P2RY14: variants seen among roughly 807,000 people sequenced by gnomAD.
P2RY14 encodes P2Y purinoceptor 14.
A neutral mutation model predicts 0.9 loss-of-function variants in P2RY14; 2 were observed. The ratio of observed to expected loss-of-function variants is 2.16; its 90% CI spans 0.88 to 6.79. The LOEUF (loss-of-function observed/expected upper bound fraction) is 6.79, where lower values mean the gene tolerates loss of function less well. P2RY14 is among the 30% of genes most tolerant of loss of function. The probability of loss-of-function intolerance (pLI) is 0.05; values close to 1 mark genes in which losing one functional copy is unlikely to be tolerated. For missense variants in P2RY14, 378 were observed against 400.1 expected, an observed-to-expected ratio of 0.94 and a Z score of 0.47; for synonymous variants, 158 against 147.2, an observed-to-expected ratio of 1.07 and a Z score of -0.53.
At chr3:151,258,488 C>G (rs1233328017) in intron 1 of P2RY14, among the ~76,000 whole-genome samples, 1 of 152,118 alleles carries the variant, frequency 6.6e-6, no homozygotes, top group African/African-American at 2.4e-5. Context: ...GTATCCCTTG[C>G]AACAGAACAA....
chr3:151,270,371 C>T (rs1491004325), intron 1 of P2RY14, among the ~76,000 whole-genome samples: 1 of 151,972 alleles, frequency 6.6e-6, no homozygotes, highest in African/African-American at 2.4e-5. Context: ...CTTTCTGTTC[C>T]AAATTCATTT....
At chr3:151,266,667 A>G (rs976680028) in intron 1 of P2RY14, among the ~76,000 whole-genome samples, 1 of 152,212 alleles carries the variant, frequency 6.6e-6, no homozygotes, top group African/African-American at 2.4e-5. Flanking sequence ...AGTGATATGA[A>G]CATATCAGTG....
chr3:151,226,964 C>A (rs1730620682), intron 1 of P2RY14, among the ~76,000 whole-genome samples: 1 of 152,202 alleles, frequency 6.6e-6, no homozygotes, highest in African/African-American at 2.4e-5. Context: ...GGTTTGGATG[C>A]CACACGCAGA....
At chr3:151,231,969 T>G (rs1731761268) in intron 1 of P2RY14, among the ~76,000 whole-genome samples, 1 of 152,196 alleles carries the variant, frequency 6.6e-6, no homozygotes, top group East Asian at 1.9e-4. Context: ...TTTGCTGATA[T>G]ATGCATGCCT....
rs1471722731 is a variant in P2RY14 at position 151,265,081 on chromosome 3, C to T, written c.-133+13206G>A. Among the ~76,000 whole-genome samples the T allele has an allele frequency of 2.0e-5, 3 of 152,302 alleles. No homozygotes were observed. In the East Asian group the frequency reaches 5.8e-4, roughly 29 times the overall value. On this transcript the variant is annotated intron_variant, in intron 1 of 2. Coordinates refer to ENST00000309170, the MANE Select transcript of P2RY14 (RefSeq NM_014879.4). ...TTCCAGAACTCGCCATTATGTCCTG[C>T]CTCCAGCCTGCTAGATTATTCTTCA...
intron 1 of P2RY14, among the ~76,000 whole-genome samples, chr3:151,254,508 G>A (rs1737447938): frequency 6.6e-6 from 1 of 152,136 alleles, no homozygotes. Flanking sequence ...GTTGAGATAT[G>A]TAAACATGCT....
At chr3:151,239,773 T>A (rs1733704553) in intron 1 of P2RY14, among the ~76,000 whole-genome samples, 1 of 152,186 alleles carries the variant, frequency 6.6e-6, no homozygotes, top group Admixed American at 6.5e-5. Flanking sequence ...TTGTTATGGT[T>A]GTTAGTTTGC....
chr3:151,247,761 TAAAA>T (rs71138490), intron 1 of P2RY14, among the ~76,000 whole-genome samples: 2 of 144,164 alleles, frequency 1.4e-5, no homozygotes, highest in African/African-American at 2.6e-5. Context: ...TAATGTATAA[TAAAA>T]AAAAAAAGCA....
intron 1 of P2RY14, among the ~76,000 whole-genome samples, chr3:151,239,014 T>A (rs879262546): frequency 2.0e-5 from 3 of 152,202 alleles, no homozygotes; most frequent in Non-Finnish European, 4.4e-5. Flanking sequence ...AATTCAAGCT[T>A]TCAAACTGAA....
Position 151,213,918 on chromosome 3 carries a change from C to T in P2RY14, c.399G>A (p.Gln133=). ...IVKPLWTSFI[Q]SVSYSKLLSV... is the part of the protein sequence containing the mutation. ...ACAGAAGTTTGCTGTAACTCACTGA[C>T]TGGATGAAAGAAGTCCAAAGAGGCT... The change falls in exon 3 of 3, where the codon CAG becomes CAA. Residue 133 remains glutamine (Q), a synonymous_variant. Transcript: ENST00000309170. 1 of 1,614,162 alleles carries T rather than the reference C, an allele frequency of 6.2e-7. No homozygotes were observed. The highest frequency in any genetic ancestry group is 8.5e-7 in the Non-Finnish European group (1 of 1,180,014).
Position 151,213,762 on chromosome 3 carries a change from T to C in P2RY14, c.555A>G (p.Lys185=). The change falls in exon 3 of 3, where the codon AAA becomes AAG. Residue 185 remains lysine, a synonymous_variant. Coordinates refer to ENST00000309170, the MANE Select transcript of P2RY14 (RefSeq NM_014879.4). The part of the protein sequence containing the change: ...LKSELGRKWH[K]ASNYIFVAIF... The stretch of plus-strand genomic sequence containing the variant: ...TGGCCACGAAGATGTAGTTTGATGC[T>C]TTGTGCCACTTCCGTCCCAGTTCAC... 1.2e-6 allele frequency: 2 copies of C among 1,614,206 alleles called. No homozygotes were observed. The highest frequency in any genetic ancestry group is 1.7e-6 in the Non-Finnish European group (2 of 1,180,022).
intron 2 of P2RY14, among the ~76,000 whole-genome samples, chr3:151,218,114 A>C (rs1316701997): frequency 6.6e-6 from 1 of 152,182 alleles, no homozygotes; most frequent in African/African-American, 2.4e-5. Context: ...AGAAACTTCA[A>C]ATCTTTCACA....
Position 151,213,535 on chromosome 3 carries a change from G to A in P2RY14, c.782C>T (p.Thr261Ile), listed in dbSNP as rs147553856. Residue 261 changes from threonine (T) to isoleucine (I), a missense_variant, in exon 3 of 3, where the codon ACC becomes ATC. Coordinates refer to ENST00000309170, the MANE Select transcript of P2RY14 (RefSeq NM_014879.4). ...IARIPYTKSQ[T>I]EAHYSCQSKE... The stretch of plus-strand genomic sequence containing the variant: ...TGACTGGCAGCTGTAATGAGCTTCG[G>A]TCTGACTCTTTGTGTAGGGGATTCT... The A allele has an allele frequency of 4.3e-6, 7 of 1,614,028 alleles. No individual in the cohort carries two copies. The highest frequency in any genetic ancestry group is 5.9e-6 in the Non-Finnish European group (7 of 1,180,026).
intron 1 of P2RY14, among the ~76,000 whole-genome samples, chr3:151,266,337 C>T (rs1018103575): frequency 3.3e-5 from 5 of 152,170 alleles, no homozygotes; most frequent in Non-Finnish European, 7.3e-5. Flanking sequence ...AACCCTATCA[C>T]TGCATGTGTC....
intron 2 of P2RY14, among the ~76,000 whole-genome samples, chr3:151,218,334 G>A (rs922372336): frequency 6.6e-6 from 1 of 152,136 alleles, no homozygotes; most frequent in African/African-American, 2.4e-5. Flanking sequence ...AAGATGAACA[G>A]GACTTCTGGA....
chr3:151,223,019 G>A (rs1352724846), intron 1 of P2RY14, among the ~76,000 whole-genome samples: 1 of 152,020 alleles, frequency 6.6e-6, no homozygotes, highest in Non-Finnish European at 1.5e-5. Context: ...TATTTACTTA[G>A]AATGTTCCTA....
chr3:151,250,729 G>A (rs1360196509), intron 1 of P2RY14, among the ~76,000 whole-genome samples: 3 of 152,166 alleles, frequency 2.0e-5, no homozygotes, highest in Non-Finnish European at 4.4e-5. Flanking sequence ...CTATGAAAGT[G>A]GGTATACAAA....
intron 1 of P2RY14, among the ~76,000 whole-genome samples, chr3:151,243,283 T>C (rs1346722496): frequency 1.3e-5 from 2 of 151,584 alleles, no homozygotes; most frequent in South Asian, 4.2e-4. Context: ...AAGATACTCC[T>C]CGAGAAGAGC....
At chr3:151,249,036 T>C (rs548654349) in intron 1 of P2RY14, 97 of 152,344 alleles carry the variant, frequency 6.4e-4, no homozygotes, top group African/African-American at 2.2e-3. Flanking sequence ...CTCTGAAATA[T>C]TGACATCTCG....
Sources: allele counts gnomAD v4.1 joint callset (sites outside exome capture counted in the v4.1 genomes callset), GRCh38; gene constraint gnomAD v4.1.1; transcripts MANE v1.5; gene names NCBI Gene and HGNC (gene_info 2026-07-23, HGNC 2026-07-21).